The following ADAR variants were observed in gnomAD, a reference collection of about 807,000 sequenced individuals.
ADAR encodes adenosine deaminase RNA specific, also known as double-stranded RNA-specific adenosine deaminase.
Under a neutral mutation model 113.2 loss-of-function variants are expected in ADAR, and 41 were observed. The ratio of observed to expected loss-of-function variants is 0.36; its 90% CI spans 0.28 to 0.47. The LOEUF is 0.47. Ranked by LOEUF, ADAR falls within the 20% of genes least tolerant of loss-of-function variation. ADAR has a pLI of 1.00. For synonymous variants in ADAR, 605 were observed against 572.6 expected (o/e 1.06, Z -0.81); for missense variants, 1,242 against 1,540.9 (o/e 0.81, Z 3.25).
In ADAR at chr1:154,602,609, T is replaced by A. The variant is rs780089358; in HGVS notation, c.33A>T (p.Gly11=). The A allele has an allele frequency of 3.7e-6, 6 of 1,613,938 alleles. No individual in the cohort carries two copies. Among genetic ancestry groups the A allele is most frequent in the Non-Finnish European group, 5.1e-6 (6 of 1,180,026 alleles). The change falls in exon 2 of 15, where the codon GGA becomes GGT. Residue 11 remains glycine (G), a synonymous_variant. Coordinates refer to ENST00000368474, the MANE Select transcript of ADAR (RefSeq NM_001111.5). MNPRQGYSLS[G]YYTHPFQGYE... is the part of the protein sequence containing the mutation. ...AGCCTTGAAATGGATGGGTGTAGTA[T>A]CCGCTGAGGGAATACCCCTGCAGAA...
chr1:154,584,515 A>C lies in ADAR; in HGVS notation c.*291T>G. ...AAACAAAACTTTTAAGAGGAAATGG[A>C]CCGCAGGTGCTCAGTGACTATGTAT... On this transcript the variant is annotated 3_prime_UTR_variant, in exon 15 of 15. Transcript: ENST00000368474. The C allele has an allele frequency of 2.5e-6, 1 of 399,282 alleles. No individual in the cohort carries two copies. The allele number at this position is 399,282 out of a possible 1,614,324, so 24.7% of individuals were successfully genotyped here.
intron 1 of ADAR, among the ~76,000 whole-genome samples, chr1:154,620,888 T>C (rs966643690): frequency 2.2e-4 from 33 of 152,170 alleles, no homozygotes; most frequent in Non-Finnish European, 2.4e-4. Context: ...AAAAAAATCT[T>C]AGGGAAATAG....
chr1:154,588,515 A>G, intron 10 of ADAR, 36 bp downstream of exon 10: 1 of 1,612,140 alleles, frequency 6.2e-7, no homozygotes, highest in Non-Finnish European at 8.5e-7. Context: ...ACAGCCTGGC[A>G]GGGCCCACCC....
chr1:154,614,081 T>G (rs1028006550), intron 1 of ADAR, among the ~76,000 whole-genome samples: 3 of 152,080 alleles, frequency 2.0e-5, no homozygotes, highest in Non-Finnish European at 4.4e-5. Context: ...AATAAAGATA[T>G]AACATTTGCA....
At chr1:154,585,093 A>G (rs1479257974) in intron 14 of ADAR, 50 bp from the exon 15 acceptor site, 9 of 1,610,210 alleles carry the variant, frequency 5.6e-6, no homozygotes, top group African/African-American at 4.0e-5. Flanking sequence ...TAAGATAAGG[A>G]GCTCACAGTG....
intron 6 of ADAR, among the ~76,000 whole-genome samples, chr1:154,594,928 TAGA>T (rs1482934530): frequency 1.1e-4 from 16 of 152,362 alleles, no homozygotes; most frequent in African/African-American, 3.8e-4. Context: ...CAGCAATTTC[TAGA>T]AGGACTCAAG....
chr1:154,618,730 A>AG (rs1372482643), intron 1 of ADAR, among the ~76,000 whole-genome samples: 1 of 152,214 alleles, frequency 6.6e-6, no homozygotes, highest in East Asian at 1.9e-4. Flanking sequence ...GGAAAAAAAA[A>AG]AAGTCTAGAG....
Position 154,586,169 on chromosome 1 carries a change from C to T in ADAR, c.3202+12G>A. 1 of 1,613,976 alleles carries T rather than the reference C, an allele frequency of 6.2e-7. No homozygotes were observed. Among genetic ancestry groups the T allele is most frequent in the East Asian group, 2.2e-5 (1 of 44,888 alleles). On this transcript the variant is annotated intron_variant, in intron 12 of 14. Transcript: ENST00000368474. ...GACAGACCAGTTCCAGATCCCAAGG[C>T]AGGCCCCTTACCCAATGTGACAGAT...
upstream of ADAR, among the ~76,000 whole-genome samples, chr1:154,610,824 GAAA>G (rs1298389364): frequency 6.1e-5 from 4 of 65,204 alleles, no homozygotes; most frequent in Admixed American, 6.4e-4. Flanking sequence ...AAAAAAAAAA[GAAA>G]AAAAAAAAAA....
At chr1:154,623,490 T>C (rs1480218939) in intron 1 of ADAR, among the ~76,000 whole-genome samples, 1 of 152,200 alleles carries the variant, frequency 6.6e-6, no homozygotes, top group Non-Finnish European at 1.5e-5. Context: ...AGTCATGTGC[T>C]GTTTCTGCCT....
chr1:154,619,311 A>G (rs1337088530), intron 1 of ADAR, among the ~76,000 whole-genome samples: 1 of 152,206 alleles, frequency 6.6e-6, no homozygotes. Context: ...ATTTGTGGCC[A>G]GCAAACCACA....
intron 7 of ADAR, 49 bp downstream of exon 7, chr1:154,590,135 A>AGGGGGGGGGGGGG: frequency 8.3e-7 from 1 of 1,205,036 alleles, no homozygotes; most frequent in Non-Finnish European, 1.2e-6. Flanking sequence ...CTTAGGAGTT[A>AGGGGGGGGGGGGG]GGAGGACCCC....
chr1:154,594,163 T>A (rs1303885169), intron 6 of ADAR, among the ~76,000 whole-genome samples: 1 of 152,224 alleles, frequency 6.6e-6, no homozygotes, highest in Non-Finnish European at 1.5e-5. Context: ...ATTATAGGCG[T>A]AAGCCACTGC....
chr1:154,587,404 C>T (rs900221860), intron 11 of ADAR, among the ~76,000 whole-genome samples: 3 of 152,122 alleles, frequency 2.0e-5, no homozygotes, highest in Non-Finnish European at 4.4e-5. Flanking sequence ...AGCTGATGGA[C>T]GTCTGGGTTG....
chr1:154,611,676 A>T (rs1034892679), upstream of ADAR, among the ~76,000 whole-genome samples: 16 of 152,190 alleles, frequency 1.1e-4, no homozygotes, highest in Non-Finnish European at 2.2e-4. Context: ...CTGCCAACAC[A>T]TGGGTGGTCA....
In ADAR at chr1:154,602,027, G is replaced by T. The variant is rs770367924; in HGVS notation, c.615C>A (p.Asn205Lys). Residue 205 changes from asparagine (N) to lysine (K), a missense_variant, in exon 2 of 15, where the codon AAC becomes AAA. By Grantham distance (94) the Asn-to-Lys change is moderately conservative (BLOSUM62 0). Transcript: ENST00000368474. The stretch of plus-strand genomic sequence containing the variant: ...CTGGTCTTACCACTCCGCTGTGCTG[G>T]TTCCAAGCCTGAGTGGAGACCGCGA... ...WKIAVSTQAW[N>K]QHSGVVRPDG... The T allele has an allele frequency of 6.2e-6, 10 of 1,614,258 alleles. No individual in the cohort carries two copies. Among genetic ancestry groups the T allele is most frequent in the Non-Finnish European group, 8.5e-6 (10 of 1,180,048 alleles).
intron 1 of ADAR, among the ~76,000 whole-genome samples, chr1:154,607,160 T>C (rs1698245244): frequency 6.6e-6 from 1 of 152,064 alleles, no homozygotes; most frequent in Admixed American, 6.5e-5. Flanking sequence ...TTTCCATCCC[T>C]ATAACTGTGG....
At position 154,602,494 on chromosome 1, in the gene ADAR, GCCC is replaced by G. The variant is rs1249062330; in HGVS notation, c.145_147del (p.Gly49del). On this transcript the variant is annotated inframe_deletion, in exon 2 of 15. Transcript: ENST00000368474. ...CCAATCACCGGTGCTTCTGGGAGCT[GCCC>G]CTTGAGAAATTCTATTTGCTTAAGC... The G allele has an allele frequency of 6.2e-7, 1 of 1,614,096 alleles. No individual in the cohort carries two copies. Among genetic ancestry groups the G allele is most frequent in the Non-Finnish European group, 8.5e-7 (1 of 1,180,038 alleles).
chr1:154,590,141 A>AGGG, intron 7 of ADAR, 43 bp downstream of exon 7: 1 of 760,832 alleles, frequency 1.3e-6, no homozygotes, highest in Non-Finnish European at 2.2e-6. Context: ...AGTTAGGAGG[A>AGGG]CCCCCCCGCC....
Sources: gnomAD v4.1 joint callset for allele counts (sites outside exome capture counted in the v4.1 genomes callset) on GRCh38, gnomAD v4.1.1 for gene constraint, MANE v1.5 for transcripts, NCBI Gene and HGNC (gene_info 2026-07-23, HGNC 2026-07-21) for gene names.